WWC1: variants seen among roughly 807,000 people sequenced by gnomAD.
The protein encoded by WWC1 is WW and C2 domain containing 1.
A neutral mutation model predicts 138.4 loss-of-function variants in WWC1; 55 were observed. The ratio of observed to expected loss-of-function variants is 0.40; its 90% confidence interval spans 0.32 to 0.50. The LOEUF is 0.50. Ranked by LOEUF, WWC1 falls within the 20% of genes least tolerant of loss-of-function variation. The probability of loss-of-function intolerance (pLI) is 0.72; values close to 1 mark genes in which losing one functional copy is unlikely to be tolerated. For missense variants in WWC1, 1,226 were observed against 1,420.4 expected (o/e 0.86, Z 2.20); for synonymous variants, 524 against 564.9 (o/e 0.93, Z 1.03).
At chr5:168,451,655 T>A (rs1755826321) in intron 17 of WWC1, among the ~76,000 whole-genome samples, 1 of 152,092 alleles carries the variant, frequency 6.6e-6, no homozygotes, top group Admixed American at 6.5e-5. Flanking sequence ...CAGTGAGCTA[T>A]GATCACACCA....
At chr5:168,382,533 C>T (rs1487567979) in intron 2 of WWC1, among the ~76,000 whole-genome samples, 1 of 152,170 alleles carries the variant, frequency 6.6e-6, no homozygotes. Flanking sequence ...ATAGGCTGAG[C>T]TGCTTTTTTC....
chr5:168,368,711 T>G (rs1161271005), intron 1 of WWC1, among the ~76,000 whole-genome samples: 1 of 152,218 alleles, frequency 6.6e-6, no homozygotes, highest in Non-Finnish European at 1.5e-5. Flanking sequence ...GATGAGGTGA[T>G]GTTAGATGAG....
intron 17 of WWC1, among the ~76,000 whole-genome samples, chr5:168,449,568 CTCT>C (rs1755604934): frequency 9.4e-6 from 1 of 106,770 alleles, no homozygotes; most frequent in African/African-American, 3.5e-5. Context: ...TGTTTAACAG[CTCT>C]TTTTTTTTTT....
chr5:168,447,809 G>A (rs897774488), intron 17 of WWC1, among the ~76,000 whole-genome samples: 47 of 144,298 alleles, frequency 3.3e-4, no homozygotes, highest in African/African-American at 1.1e-3. Flanking sequence ...CTCTCTGTCT[G>A]TTTCTCCCCA....
intron 1 of WWC1, among the ~76,000 whole-genome samples, chr5:168,317,728 G>C (rs1212234187): frequency 6.6e-6 from 1 of 152,168 alleles, no homozygotes; most frequent in Non-Finnish European, 1.5e-5. Flanking sequence ...TAAAAGGCTG[G>C]ATTATGTGGG....
At chr5:168,343,939 G>T (rs575835082) in intron 1 of WWC1, among the ~76,000 whole-genome samples, 125 of 152,160 alleles carry the variant, frequency 8.2e-4, no homozygotes, top group Non-Finnish European at 1.6e-3. Context: ...TTCCACTGAT[G>T]ACATTTCTTA....
chr5:168,294,801 A>AT (rs1769382544), intron 1 of WWC1, among the ~76,000 whole-genome samples: 2 of 151,776 alleles, frequency 1.3e-5, no homozygotes, highest in Admixed American at 6.6e-5. Flanking sequence ...AATTTTTTGT[A>AT]TTTTAGTAGA....
chr5:168,398,311 G>A (rs1582154861), intron 4 of WWC1, among the ~76,000 whole-genome samples: 1 of 151,908 alleles, frequency 6.6e-6, no homozygotes, highest in Non-Finnish European at 1.5e-5. Context: ...CACTGTGTTA[G>A]CCAGGATGGT....
intron 11 of WWC1, among the ~76,000 whole-genome samples, chr5:168,426,082 A>C (rs772284613): frequency 4.1e-4 from 63 of 152,296 alleles, no homozygotes; most frequent in Admixed American, 3.1e-3. Flanking sequence ...TGTGTGTACA[A>C]GGGCCAGTGG....
rs532731019 is a variant in WWC1, at chr5:168,404,714, C to T, written c.591-1484C>T. 2.0e-5 allele frequency among the ~76,000 whole-genome samples: 3 copies of T among 152,250 alleles called. No individual in the cohort carries two copies. The East Asian group carries it at 5.8e-4, about 29-fold the overall frequency. On this transcript the variant is annotated intron_variant, in intron 5 of 22. Coordinates refer to ENST00000265293, the MANE Select transcript of WWC1 (RefSeq NM_015238.3). ...TGGTGTTCCCGCAGACTGTAAAACT[C>T]CTTTTTCTCCACCTTGGACTGAAAC...
rs112221674 is a variant in WWC1, at chr5:168,457,617, A to C, written c.2823+2097A>C. Among the ~76,000 whole-genome samples, 1,009 of 152,358 alleles carry C rather than the reference A, an allele frequency of 6.6e-3. 7 individuals are homozygous for C. Among genetic ancestry groups the C allele is most frequent in the African/African-American group, 0.023 (945 of 41,582 alleles). On this transcript the variant is annotated intron_variant, in intron 19 of 22. Transcript: ENST00000265293. Reference sequence around the variant, plus strand: ...TCACACACTCATCATAAGGCTATGGAACCAGCCTCAGAAATCAGGCAGGAG... The same window carrying C: ...TCACACACTCATCATAAGGCTATGGCACCAGCCTCAGAAATCAGGCAGGAG...
At chr5:168,462,077 A>T (rs1437164212) in intron 20 of WWC1, among the ~76,000 whole-genome samples, 3 of 152,034 alleles carry the variant, frequency 2.0e-5, no homozygotes, top group Non-Finnish European at 4.4e-5. Flanking sequence ...AGAAAGAAAG[A>T]AAAAAGGAGA....
At chr5:168,395,826 G>T (rs1453403632) in intron 3 of WWC1, among the ~76,000 whole-genome samples, 1 of 152,198 alleles carries the variant, frequency 6.6e-6, no homozygotes, top group East Asian at 1.9e-4. Flanking sequence ...AACACTTCTT[G>T]TGGTGCCAAA....
intron 21 of WWC1, among the ~76,000 whole-genome samples, chr5:168,465,548 CT>C (rs10527141): frequency 0.096 from 4,486 of 46,506 alleles, 1,788 homozygotes; most frequent in East Asian, 0.17. Context: ...ATCAGCTGGG[CT>C]TTTTTTTTTT....
chr5:168,417,936 T>G (rs1780781264), intron 9 of WWC1, among the ~76,000 whole-genome samples: 1 of 152,218 alleles, frequency 6.6e-6, no homozygotes, highest in Admixed American at 6.5e-5. Flanking sequence ...TGCAGCTGTT[T>G]CCTTCCAGCT....
At chr5:168,426,477 G>A (rs1410346896) in intron 11 of WWC1, among the ~76,000 whole-genome samples, 2 of 152,194 alleles carry the variant, frequency 1.3e-5, no homozygotes, top group African/African-American at 2.4e-5. Flanking sequence ...TCTCGGGATG[G>A]CATTTCCTTC....
chr5:168,381,023 G>T (rs1157190245), intron 2 of WWC1, among the ~76,000 whole-genome samples: 1 of 152,066 alleles, frequency 6.6e-6, no homozygotes, highest in Non-Finnish European at 1.5e-5. Context: ...TCTCAGAAAT[G>T]TAACAAATTG....
intron 2 of WWC1, among the ~76,000 whole-genome samples, chr5:168,381,353 G>A (rs1023654020): frequency 3.3e-5 from 5 of 152,250 alleles, no homozygotes; most frequent in African/African-American, 4.8e-5. Context: ...CCTAGGTGTC[G>A]CTTAGGGAAC....
chr5:168,307,856 C>G (rs1020677743), intron 1 of WWC1, among the ~76,000 whole-genome samples: 2 of 152,062 alleles, frequency 1.3e-5, no homozygotes, highest in African/African-American at 4.8e-5. Flanking sequence ...GTGATCTGCC[C>G]ACCTTGGCCT....
Sources: allele counts gnomAD v4.1 joint callset (sites outside exome capture counted in the v4.1 genomes callset), GRCh38; gene constraint gnomAD v4.1.1; transcripts MANE v1.5; gene names NCBI Gene and HGNC (gene_info 2026-07-23, HGNC 2026-07-21).